ALMS1: variants seen among roughly 807,000 people sequenced by gnomAD.
ALMS1 encodes the protein ALMS1 centrosome and basal body associated protein.
Under a neutral mutation model 352.2 loss-of-function variants are expected in ALMS1, and 271 were observed. That is an observed-to-expected ratio of 0.77 (90% confidence interval 0.70 to 0.85). The LOEUF (loss-of-function observed/expected upper bound fraction) is 0.85. Among genes scored for constraint, ALMS1 ranks in the 40% least tolerant of loss-of-function variants. ALMS1 has a pLI of 0.00. For missense variants in ALMS1, 5,445 were observed against 4,870.7 expected (o/e 1.12, Z -3.51); for synonymous variants, 1,865 against 1,761.2 (o/e 1.06, Z -1.48).
In ALMS1 at chr2:73,424,424, T is replaced by C. The variant is rs755762723; in HGVS notation, c.765-6T>C. On this transcript the variant is annotated splice_polypyrimidine_tract_variant and splice_region_variant and intron_variant, in intron 4 of 22. Coordinates refer to ENST00000613296, the MANE Select transcript of ALMS1 (RefSeq NM_001378454.1). Reference sequence around the variant, plus strand: ...TATTTATTTATTTTTAACTATATATTTTCAGGGGAATTCCTGATAAGTCTG... The same window carrying C: ...TATTTATTTATTTTTAACTATATATCTTCAGGGGAATTCCTGATAAGTCTG... 4 of 1,531,516 alleles carry C rather than the reference T, an allele frequency of 2.6e-6. No homozygotes were observed. The highest frequency in any genetic ancestry group is 2.0e-5 in the Admixed American group (1 of 50,848). The allele number at this position is 1,531,516 out of a possible 1,614,324, so 94.9% of individuals were successfully genotyped here.
chr2:73,520,996 C>T (rs756033011), intron 11 of ALMS1, among the ~76,000 whole-genome samples: 1 of 152,004 alleles, frequency 6.6e-6, no homozygotes, highest in Non-Finnish European at 1.5e-5. Flanking sequence ...AAAAACTTGT[C>T]CACCTACACA....
chr2:73,516,960 C>T (rs577565437), intron 10 of ALMS1, among the ~76,000 whole-genome samples: 2 of 152,170 alleles, frequency 1.3e-5, no homozygotes, highest in East Asian at 3.9e-4. Context: ...TGTCCCAGGC[C>T]TCTCCATCTA....
At chr2:73,601,051 C>G (rs1573053832) in intron 18 of ALMS1, 144 bp from the exon 19 acceptor site, 1 of 1,446,934 alleles carries the variant, frequency 6.9e-7, no homozygotes, top group African/African-American at 1.4e-5. Context: ...ATCCCTGCAG[C>G]AAAACCAGAC....
intron 9 of ALMS1, among the ~76,000 whole-genome samples, chr2:73,473,798 T>G (rs1672516873): frequency 6.6e-6 from 1 of 151,910 alleles, no homozygotes; most frequent in South Asian, 2.1e-4. Context: ...TCAGTGAACT[T>G]GAAGAAAGGT....
chr2:73,577,881 T>C (rs1218801175), intron 16 of ALMS1, among the ~76,000 whole-genome samples: 3 of 152,346 alleles, frequency 2.0e-5, no homozygotes, highest in Non-Finnish European at 2.9e-5. Flanking sequence ...TGTTCTCTAT[T>C]GTGTTAGGTC....
chr2:73,549,195 A>G (rs1674379624), intron 12 of ALMS1, among the ~76,000 whole-genome samples: 1 of 152,170 alleles, frequency 6.6e-6, no homozygotes. Flanking sequence ...TGCCTGTTAG[A>G]TGTGGCATGG....
At chr2:73,479,379 C>A (rs1672648467) in intron 9 of ALMS1, among the ~76,000 whole-genome samples, 1 of 152,160 alleles carries the variant, frequency 6.6e-6, no homozygotes, top group Non-Finnish European at 1.5e-5. Context: ...TTCTCTCCTG[C>A]CCCACCTTTT....
chr2:73,591,448 G>A (rs1299201717), intron 16 of ALMS1, among the ~76,000 whole-genome samples: 1 of 152,116 alleles, frequency 6.6e-6, no homozygotes, highest in African/African-American at 2.4e-5. Context: ...TGTTAAGCTA[G>A]ACTCCAATCA....
In ALMS1 at chr2:73,451,562, C is replaced by G. The variant is rs760829019; in HGVS notation, c.5035C>G (p.Leu1679Val). ...GKPVIFYQQT[L>V]SDSHLPEEAL... The stretch of plus-strand genomic sequence containing the variant: ...GCCTGTCATTTTCTACCAGCAGACC[C>G]TATCAGACAGTCATTTACCTGAAGA... Residue 1679 changes from leucine (L) to valine (V), a missense_variant, in exon 8 of 23, where the codon CTA (leucine) becomes GTA (valine). Leu to Val is a conservative substitution (Grantham distance 32). Transcript: ENST00000613296. 28 of 1,613,716 alleles carry G rather than the reference C, an allele frequency of 1.7e-5. No individual in the cohort carries two copies. Among genetic ancestry groups the G allele is most frequent in the Non-Finnish European group, 2.2e-5 (26 of 1,179,914 alleles).
chr2:73,500,429 G>A (rs996832695), intron 10 of ALMS1, among the ~76,000 whole-genome samples: 2 of 152,148 alleles, frequency 1.3e-5, no homozygotes, highest in African/African-American at 4.8e-5. Flanking sequence ...GACAGAAGGA[G>A]AAAAAGCCAA....
At chr2:73,573,453 T>C in intron 16 of ALMS1, 29 bp downstream of exon 16, 1 of 1,611,276 alleles carries the variant, frequency 6.2e-7, no homozygotes, top group Non-Finnish European at 8.5e-7. Flanking sequence ...CATCTGGCAA[T>C]GTGACTGCCC....
At chr2:73,577,730 T>C (rs150335759) in intron 16 of ALMS1, among the ~76,000 whole-genome samples, 220 of 152,232 alleles carry the variant, frequency 1.4e-3, no homozygotes, top group Non-Finnish European at 2.6e-3. Flanking sequence ...TTCTTTGTTA[T>C]TGATTTCTGG....
chr2:73,602,155 T>C (rs777674151), intron 19 of ALMS1, 30 bp from the exon 20 acceptor site: 1 of 1,600,008 alleles, frequency 6.2e-7, no homozygotes, highest in Non-Finnish European at 8.5e-7. Flanking sequence ...AATCTGAGGC[T>C]GGGCATTTTC....
At chr2:73,478,420 G>C (rs559593286) in intron 9 of ALMS1, among the ~76,000 whole-genome samples, 7 of 152,242 alleles carry the variant, frequency 4.6e-5, no homozygotes, top group Middle Eastern at 3.4e-3. Context: ...TGTTGGAAAG[G>C]AAGAAGAGAA....
chr2:73,411,820 A>G (rs1192387116), intron 2 of ALMS1, among the ~76,000 whole-genome samples: 1 of 151,972 alleles, frequency 6.6e-6, no homozygotes, highest in East Asian at 1.9e-4. Flanking sequence ...ATTTCATCTA[A>G]TCTCCAGTGA....
Position 73,452,316 on chromosome 2 carries a change from A to G in ALMS1, c.5789A>G (p.Lys1930Arg). ...GTTGTTCCTGGACAAGGTGACCGGA[A>G]GACTGAGATACCAACAGTACCTTTA... is the stretch of plus-strand genomic sequence containing the variant. The part of the protein sequence containing the change: ...VFVVPGQGDR[K>R]TEIPTVPLSY... The change falls in exon 8 of 23, where the codon AAG becomes AGG. Residue 1930 changes from lysine (K) to arginine (R), a missense_variant. Physicochemically the swap from Lys to Arg is conservative, Grantham distance 26. Coordinates refer to ENST00000613296, the MANE Select transcript of ALMS1 (RefSeq NM_001378454.1). 2 of 1,614,126 alleles carry G rather than the reference A, an allele frequency of 1.2e-6. No homozygotes were observed. The highest frequency in any genetic ancestry group is 1.7e-6 in the Non-Finnish European group (2 of 1,180,008).
rs747669538 is a variant in ALMS1, at chr2:73,490,140, C to T, written c.8181C>T (p.Ser2727=). ...CTCACCGACATTCTAAATGCATTTC[C>T]AATTCCTCTGTTGTTAAGGTTGGTG... ...FSSHRHSKCI[S]NSSVVKVGVT... Residue 2727 remains serine, a synonymous_variant, in exon 10 of 23, where the codon TCC becomes TCT. Transcript: ENST00000613296. The T allele has an allele frequency of 6.2e-7, 1 of 1,614,026 alleles. No individual in the cohort carries two copies. Among genetic ancestry groups the T allele is most frequent in the African/African-American group, 1.3e-5 (1 of 74,910 alleles).
At chr2:73,422,302 CTG>C (rs912140663) in intron 3 of ALMS1, among the ~76,000 whole-genome samples, 2 of 151,996 alleles carry the variant, frequency 1.3e-5, no homozygotes, top group African/African-American at 4.8e-5. Flanking sequence ...GAAAATGTCA[CTG>C]TATCTTTTTG....
chr2:73,565,149 A>G (rs1469209271), intron 15 of ALMS1, among the ~76,000 whole-genome samples: 2 of 152,196 alleles, frequency 1.3e-5, no homozygotes, highest in South Asian at 2.1e-4. Flanking sequence ...AGTATCAACA[A>G]CAAGAAACAG....
Sources: gnomAD v4.1 joint callset for allele counts (sites outside exome capture counted in the v4.1 genomes callset) on GRCh38, gnomAD v4.1.1 for gene constraint, MANE v1.5 for transcripts, NCBI Gene and HGNC (gene_info 2026-07-23, HGNC 2026-07-21) for gene names.